ESR1: variants seen among roughly 807,000 people sequenced by gnomAD.
ESR1 encodes estrogen receptor.
ESR1 carries 12 observed loss-of-function variants against 52.7 expected under a neutral mutation model. That is an observed-to-expected ratio of 0.23 (90% confidence interval 0.15 to 0.37). The LOEUF (loss-of-function observed/expected upper bound fraction) is 0.37. Ranked by LOEUF, ESR1 falls within the 10% of genes least tolerant of loss-of-function variation. ESR1 has a pLI of 1.00. For synonymous variants in ESR1, 305 were observed against 316.8 expected (o/e 0.96, Z 0.39); for missense variants, 584 against 779.7 (o/e 0.75, Z 2.99).
At chr6:152,006,623 T>C (rs757715869) in intron 4 of ESR1, among the ~76,000 whole-genome samples, 10 of 152,190 alleles carry the variant, frequency 6.6e-5, no homozygotes, top group Non-Finnish European at 1.0e-4. Context: ...CAATCTTCCT[T>C]CCATGATTTA....
chr6:151,877,117 T>A (rs191457922), intron 2 of ESR1, among the ~76,000 whole-genome samples: 1 of 152,194 alleles, frequency 6.6e-6, no homozygotes, highest in South Asian at 2.1e-4. Flanking sequence ...TTTCTTCTTT[T>A]TTTTTTATTA....
At chr6:151,831,153 T>C (rs922841927) in intron 1 of ESR1, among the ~76,000 whole-genome samples, 2 of 151,832 alleles carry the variant, frequency 1.3e-5, no homozygotes, top group African/African-American at 4.8e-5. Flanking sequence ...TTTCTTTTTT[T>C]TTTTTTTGAG....
At chr6:151,951,220 A>G (rs1271671175) in intron 4 of ESR1, among the ~76,000 whole-genome samples, 5 of 152,088 alleles carry the variant, frequency 3.3e-5, no homozygotes, top group Non-Finnish European at 7.4e-5. Context: ...TCATCCTGGT[A>G]TGCTGTGTGA....
intron 1 of ESR1, among the ~76,000 whole-genome samples, chr6:151,667,940 A>G (rs1051133599): frequency 6.6e-6 from 1 of 152,256 alleles, no homozygotes; most frequent in Non-Finnish European, 1.5e-5. Flanking sequence ...AAGTGCATTC[A>G]TGGGCAAAAT....
intron 2 of ESR1, among the ~76,000 whole-genome samples, chr6:151,742,027 C>A (rs1356464639): frequency 6.6e-6 from 1 of 152,120 alleles, no homozygotes; most frequent in Non-Finnish European, 1.5e-5. Flanking sequence ...TGAGATGATG[C>A]AATTTTTTTC....
chr6:151,839,716 A>T (rs946176905), intron 1 of ESR1, among the ~76,000 whole-genome samples: 10 of 152,188 alleles, frequency 6.6e-5, no homozygotes, highest in Non-Finnish European at 1.3e-4. Flanking sequence ...ACAAAAAGCA[A>T]AAGTAGGGTT....
rs141794952 is a variant in ESR1 at position 152,046,613 on chromosome 6, A to T, written c.1236-14378A>T. Among the ~76,000 whole-genome samples the T allele has an allele frequency of 1.1e-3, 161 of 152,338 alleles. 5 individuals carry two copies. The East Asian group carries it at 0.03, about 28-fold the overall frequency. On this transcript the variant is annotated intron_variant, in intron 5 of 7. Coordinates refer to ENST00000206249, the MANE Select transcript of ESR1 (RefSeq NM_000125.4). The stretch of plus-strand genomic sequence containing the variant: ...CTCAAGGCAAAGATTGTCCATAGTA[A>T]AAGAAGACAAAATAAGAATGAAAGA...
intron 3 of ESR1, among the ~76,000 whole-genome samples, chr6:151,882,130 T>G (rs2128337791): frequency 6.6e-6 from 1 of 152,244 alleles, no homozygotes; most frequent in South Asian, 2.1e-4. Flanking sequence ...CTTTAAATCA[T>G]TCTTACTGGG....
At chr6:151,743,589 A>G (rs550785178) in intron 2 of ESR1, among the ~76,000 whole-genome samples, 90 of 152,304 alleles carry the variant, frequency 5.9e-4, no homozygotes, top group African/African-American at 2.1e-3. Context: ...CAGGTTTTAC[A>G]TACTTCATAG....
chr6:151,674,494 G>A (rs905533726), intron 1 of ESR1, among the ~76,000 whole-genome samples: 3 of 152,138 alleles, frequency 2.0e-5, no homozygotes, highest in Admixed American at 2.0e-4. Flanking sequence ...ATAAACATGC[G>A]TGTGCATGTA....
chr6:151,898,395 T>C (rs1442407553), intron 3 of ESR1, among the ~76,000 whole-genome samples: 5 of 151,844 alleles, frequency 3.3e-5, no homozygotes, highest in South Asian at 2.1e-4. Flanking sequence ...TTTTTTTTTT[T>C]TTTTCTTTTC....
chr6:151,890,660 T>A (rs991031795), intron 3 of ESR1, among the ~76,000 whole-genome samples: 11 of 152,224 alleles, frequency 7.2e-5, no homozygotes, highest in Non-Finnish European at 2.9e-5. Context: ...TTCATTTAGG[T>A]ACTCCAATGT....
At chr6:151,999,016 T>C (rs2041734253) in intron 4 of ESR1, among the ~76,000 whole-genome samples, 1 of 152,086 alleles carries the variant, frequency 6.6e-6, no homozygotes, top group Non-Finnish European at 1.5e-5. Context: ...GTAATGGTTG[T>C]ATCAGCGTCA....
intron 2 of ESR1, among the ~76,000 whole-genome samples, chr6:151,742,648 A>G (rs1583090299): frequency 1.3e-5 from 2 of 152,192 alleles, no homozygotes; most frequent in East Asian, 1.9e-4. Flanking sequence ...TGCTTAGAAC[A>G]GTTACTGCCA....
In ESR1 at chr6:152,051,972, A is replaced by G. The variant is rs533812374; in HGVS notation, c.1236-9019A>G. Among the ~76,000 whole-genome samples, 6 of 152,290 alleles carry G rather than the reference A, an allele frequency of 3.9e-5. No homozygotes were observed. In the South Asian group the frequency reaches 1.0e-3, roughly 26 times the overall value. On this transcript the variant is annotated intron_variant, in intron 5 of 7. Coordinates refer to ENST00000206249, the MANE Select transcript of ESR1 (RefSeq NM_000125.4). ...TTGTGTTAGTCCATTTTGTGCTGCT[A>G]TAAAGGAATACCTGATGCCAGGTAA...
At chr6:152,048,532 A>G (rs2046420128) in intron 5 of ESR1, among the ~76,000 whole-genome samples, 1 of 151,990 alleles carries the variant, frequency 6.6e-6, no homozygotes, top group Non-Finnish European at 1.5e-5. Flanking sequence ...TTGTGAGTGT[A>G]TATGTGTGTT....
chr6:151,820,882 A>G (rs1232758381), intron 1 of ESR1, among the ~76,000 whole-genome samples: 1 of 152,184 alleles, frequency 6.6e-6, no homozygotes, highest in African/African-American at 2.4e-5. Context: ...TAGCAACCTT[A>G]GGAATTTCTT....
At chr6:152,041,996 G>C (rs932094613) in intron 5 of ESR1, among the ~76,000 whole-genome samples, 2 of 152,188 alleles carry the variant, frequency 1.3e-5, no homozygotes, top group Non-Finnish European at 2.9e-5. Context: ...CATTTTACAA[G>C]ATCCATCTGT....
At chr6:151,657,488 A>C (rs1476430853) in intron 1 of ESR1, among the ~76,000 whole-genome samples, 1 of 152,124 alleles carries the variant, frequency 6.6e-6, no homozygotes, top group Admixed American at 6.5e-5. Flanking sequence ...TTGTTCTTAA[A>C]TTTTATTGTT....
Sources: allele counts gnomAD v4.1 joint callset (sites outside exome capture counted in the v4.1 genomes callset), GRCh38; gene constraint gnomAD v4.1.1; transcripts MANE v1.5; gene names NCBI Gene and HGNC (gene_info 2026-07-23, HGNC 2026-07-21).